Variants in CELF2 observed in about 807,000 individuals in gnomAD.
CELF2 encodes the protein CUG triplet repeat RNA-binding protein 2.
Under a neutral mutation model 62.6 loss-of-function variants are expected in CELF2, and 8 were observed. The observed-to-expected ratio is 0.13, with a 90% confidence interval of 0.07 to 0.23. The LOEUF (loss-of-function observed/expected upper bound fraction) is 0.23. Among genes scored for constraint, CELF2 ranks in the 10% least tolerant of loss-of-function variants. The pLI, the probability that CELF2 is intolerant of heterozygous loss-of-function variation, is 1.00. For missense variants in CELF2, 333 were observed against 671.0 expected (o/e 0.50, Z 5.56); for synonymous variants, 258 against 250.0 (o/e 1.03, Z -0.30).
chr10:11,188,311 G>C (rs1166943682), intron 2 of CELF2, among the ~76,000 whole-genome samples: 1 of 151,554 alleles, frequency 6.6e-6, no homozygotes, highest in African/African-American at 2.4e-5. Context: ...CTCCATGTTA[G>C]TCAGGGTGGT....
At chr10:10,850,850 G>A (rs900723796) in intron 1 of CELF2, among the ~76,000 whole-genome samples, 1 of 152,058 alleles carries the variant, frequency 6.6e-6, no homozygotes, top group Non-Finnish European at 1.5e-5. Flanking sequence ...CTGTCACCCA[G>A]GCTGGAGTGC....
At chr10:10,837,843 A>C (rs569386676) in intron 1 of CELF2, among the ~76,000 whole-genome samples, 1 of 152,048 alleles carries the variant, frequency 6.6e-6, no homozygotes, top group Non-Finnish European at 1.5e-5. Context: ...TTAGTTATAG[A>C]TTTACAGAAA....
At chr10:10,948,669 C>T (rs1045374185) in intron 2 of CELF2, among the ~76,000 whole-genome samples, 9 of 152,138 alleles carry the variant, frequency 5.9e-5, no homozygotes, top group African/African-American at 2.2e-4. Context: ...CATGAAGCTC[C>T]ATGGTTTCCT....
rs969718301 is a variant in CELF2, at chr10:11,331,002, T to C, written c.*1949T>C. The stretch of plus-strand genomic sequence containing the variant: ...GGTGGCTCACTTTCTCATTAAGATA[T>C]ATATATAGAACCACTTTTTGTAGAT... On this transcript the variant is annotated 3_prime_UTR_variant, in exon 13 of 13. Coordinates refer to ENST00000633077, the MANE Select transcript of CELF2 (RefSeq NM_001326342.2). The C allele has an allele frequency of 1.3e-5, 2 of 152,610 alleles. No individual in the cohort carries two copies. The highest frequency in any genetic ancestry group is 2.4e-5 in the African/African-American group (1 of 41,430). The allele number at this position is 152,610 out of a possible 1,614,324, so 9.5% of individuals were successfully genotyped here.
At chr10:10,793,224 C>G in the CELF2 span, among the ~76,000 whole-genome samples, 1 of 152,156 alleles carries the variant, frequency 6.6e-6, no homozygotes, top group African/African-American at 2.4e-5. Flanking sequence ...TGTTCATAGA[C>G]TTTTCATTGT....
intron 1 of CELF2, among the ~76,000 whole-genome samples, chr10:11,081,928 C>T (rs2074138070): frequency 6.6e-6 from 1 of 152,178 alleles, no homozygotes. Flanking sequence ...CATGGAGAAT[C>T]AAATAAAACA....
chr10:11,331,835 T>C lies in CELF2; in HGVS notation c.*2782T>C, dbSNP rs2096028738. The C allele has an allele frequency of 6.6e-6, 1 of 152,654 alleles. No homozygotes were observed. The highest frequency in any genetic ancestry group is 1.5e-5 in the Non-Finnish European group (1 of 68,042). The allele number at this position is 152,654 out of a possible 1,614,324, so 9.5% of individuals were successfully genotyped here. On this transcript the variant is annotated 3_prime_UTR_variant, in exon 13 of 13. Coordinates refer to ENST00000633077, the MANE Select transcript of CELF2 (RefSeq NM_001326342.2). ...GGAAACCTCTAAGGTGAGAAAGTTT[T>C]GAACTTTTAACCCTTTCTACCCAGA... is the stretch of plus-strand genomic sequence containing the variant.
At chr10:11,283,860 TGGTGGGTGGATGATGGATGGAGG>T (rs2089946641) in intron 8 of CELF2, among the ~76,000 whole-genome samples, 1 of 145,692 alleles carries the variant, frequency 6.9e-6, no homozygotes, top group Admixed American at 6.8e-5. Flanking sequence ...GATGAGTGTG[TGGTGGGTGGATGATGGATGGAGG>T]GGTGGGTGGA....
At chr10:10,707,357 C>G in the CELF2 span, among the ~76,000 whole-genome samples, 1 of 152,084 alleles carries the variant, frequency 6.6e-6, no homozygotes, top group Non-Finnish European at 1.5e-5. Context: ...TTTATTATGT[C>G]AAGCAGGGTA....
chr10:11,330,540 T>G lies in CELF2; in HGVS notation c.*1487T>G, dbSNP rs184970964. 2.6e-5 allele frequency: 4 copies of G among 152,650 alleles called. No individual in the cohort carries two copies. The highest frequency in any genetic ancestry group is 9.7e-5 in the African/African-American group (4 of 41,448). 9.5% of individuals were successfully genotyped at this position (152,650 alleles called of 1,614,324 possible). A position where few individuals can be genotyped will look rare whatever the true frequency, so the allele number is the denominator to read the frequency against. ...AAAGTTTCATCGTCCCGTCATTGTT[T>G]CTGATGTCTTTCTGACCTCACATCA... is the stretch of plus-strand genomic sequence containing the variant. On this transcript the variant is annotated 3_prime_UTR_variant, in exon 13 of 13. Coordinates refer to ENST00000633077, the MANE Select transcript of CELF2 (RefSeq NM_001326342.2). This position sits in a 1 kb window ranked among gnomAD's most constrained non-coding sequence, Gnocchi z 4.5.
At chr10:11,261,341 T>C (rs2080491857) in intron 5 of CELF2, among the ~76,000 whole-genome samples, 1 of 151,628 alleles carries the variant, frequency 6.6e-6, no homozygotes, top group Non-Finnish European at 1.5e-5. Context: ...GTACCCCCAC[T>C]GTGTCAGAGA....
chr10:10,651,209 C>T, the CELF2 span, among the ~76,000 whole-genome samples: 7 of 120,992 alleles, frequency 5.8e-5, no homozygotes, highest in East Asian at 2.0e-4. Flanking sequence ...ACATCTGGCT[C>T]GGAGGGTCCT....
the CELF2 span, among the ~76,000 whole-genome samples, chr10:10,751,099 A>G: frequency 6.6e-6 from 1 of 152,266 alleles, no homozygotes; most frequent in South Asian, 2.1e-4. Flanking sequence ...CAGGCTTAAG[A>G]AGATCTCACT....
the CELF2 span, among the ~76,000 whole-genome samples, chr10:10,613,617 C>T: frequency 1.3e-5 from 2 of 152,178 alleles, no homozygotes; most frequent in Admixed American, 1.3e-4. Flanking sequence ...TTTCCCCCTT[C>T]GTTACAATTA....
At chr10:10,737,575 A>G in the CELF2 span, among the ~76,000 whole-genome samples, 2 of 152,110 alleles carry the variant, frequency 1.3e-5, no homozygotes, top group Non-Finnish European at 2.9e-5. Context: ...TCATTTGGAA[A>G]GCCTCCAGCA....
chr10:10,642,695 G>T, the CELF2 span, among the ~76,000 whole-genome samples: 1 of 152,228 alleles, frequency 6.6e-6, no homozygotes, highest in African/African-American at 2.4e-5. Context: ...TAACAGGCAT[G>T]CTTCCCCTAA....
the CELF2 span, among the ~76,000 whole-genome samples, chr10:10,691,253 G>A: frequency 0.039 from 5,890 of 151,184 alleles, 283 homozygotes; most frequent in East Asian, 0.28. Context: ...GAGAATATGC[G>A]CTGTTTGGTT....
chr10:10,954,760 C>T (rs917800136), intron 2 of CELF2, among the ~76,000 whole-genome samples: 1 of 152,200 alleles, frequency 6.6e-6, no homozygotes, highest in African/African-American at 2.4e-5. Context: ...CAATGGAATA[C>T]TATGATTCTG....
chr10:10,615,804 A>G, the CELF2 span, among the ~76,000 whole-genome samples: 2 of 152,162 alleles, frequency 1.3e-5, no homozygotes, highest in East Asian at 1.9e-4. Flanking sequence ...CTGTACAGCC[A>G]GGCAGAACCA....
Sources: gnomAD v4.1 joint callset for allele counts (sites outside exome capture counted in the v4.1 genomes callset) on GRCh38, gnomAD v4.1.1 for gene constraint, Gnocchi (gnomAD v3.1) non-coding constraint, MANE v1.5 for transcripts, NCBI Gene and HGNC (gene_info 2026-07-23, HGNC 2026-07-21) for gene names.